SHANK2: variants seen among roughly 807,000 people sequenced by gnomAD.
The protein encoded by SHANK2 is SH3 and multiple ankyrin repeat domains 2, also known as SH3 and multiple ankyrin repeat domains protein 2.
Under a neutral mutation model 133.7 loss-of-function variants are expected in SHANK2, and 43 were observed. The observed-to-expected ratio is 0.32, with a 90% CI of 0.25 to 0.41. The LOEUF (loss-of-function observed/expected upper bound fraction) is 0.41, where lower values mean the gene tolerates loss of function less well. Ranked by LOEUF, SHANK2 falls within the 10% of genes least tolerant of loss-of-function variation. The pLI, the probability that SHANK2 is intolerant of heterozygous loss-of-function variation, is 1.00. For synonymous variants in SHANK2, 1,017 were observed against 952.8 expected (o/e 1.07, Z -1.24); for missense variants, 1,994 against 2,235.8 (o/e 0.89, Z 2.18).
chr11:70,745,914 G>A (rs868980853), intron 14 of SHANK2, among the ~76,000 whole-genome samples: 1 of 152,218 alleles, frequency 6.6e-6, no homozygotes, highest in Non-Finnish European at 1.5e-5. Flanking sequence ...TGTCCTTCAC[G>A]GTTGTCAAAA....
At chr11:70,579,089 G>A (rs1309440513) in intron 17 of SHANK2, among the ~76,000 whole-genome samples, 1 of 152,128 alleles carries the variant, frequency 6.6e-6, no homozygotes, top group Non-Finnish European at 1.5e-5. Flanking sequence ...AGAAACACAG[G>A]GCTGCACACC....
At chr11:70,699,572 T>C (rs1027529982) in intron 14 of SHANK2, among the ~76,000 whole-genome samples, 23 of 152,236 alleles carry the variant, frequency 1.5e-4, no homozygotes, top group Non-Finnish European at 3.1e-4. Context: ...ATCTAAACTC[T>C]GTAAACAACC....
rs1426786604 is a variant in SHANK2 at position 70,698,663 on chromosome 11, T to C, written c.1853+25A>G. ...ACGAACAGCTTTGACCAGAGGGTCCTGGAAGAGAAAGCAGCGCGTCTTACC... is the reference window on the plus strand; with the variant it reads ...ACGAACAGCTTTGACCAGAGGGTCCCGGAAGAGAAAGCAGCGCGTCTTACC... On this transcript the variant is annotated intron_variant, in intron 15 of 25. Coordinates refer to ENST00000601538, the MANE Select transcript of SHANK2 (RefSeq NM_012309.5). 7.0e-6 allele frequency: 5 copies of C among 718,464 alleles called. No individual in the cohort carries two copies. The African/African-American group carries it at 8.7e-5, about 13-fold the overall frequency. The allele number at this position is 718,464 out of a possible 1,614,324, so 44.5% of individuals were successfully genotyped here.
rs1213096494 is a variant in SHANK2 at position 71,188,450 on chromosome 11, C to T, written c.-13+36247G>A. ...TCTCTCCAGAAACAGAATCCCCTCC[C>T]TCTGGGGAGAAGGACTTCGGCGCAA... On this transcript the variant is annotated intron_variant, in intron 2 of 25. Transcript: ENST00000601538. This position sits in a 1 kb window ranked among gnomAD's most constrained non-coding sequence, Gnocchi z 4.6. Among the ~76,000 whole-genome samples, 6 of 152,180 alleles carry T rather than the reference C, an allele frequency of 3.9e-5. No homozygotes were observed. The highest frequency in any genetic ancestry group is 1.4e-4 in the African/African-American group (6 of 41,442).
intron 14 of SHANK2, among the ~76,000 whole-genome samples, chr11:70,744,407 G>A (rs917030657): frequency 1.3e-5 from 2 of 152,164 alleles, no homozygotes; most frequent in African/African-American, 4.8e-5. Flanking sequence ...CCCTCTCTGC[G>A]CTCTGCAATG....
chr11:70,840,853 A>G (rs1163906863), intron 11 of SHANK2, among the ~76,000 whole-genome samples: 1 of 152,140 alleles, frequency 6.6e-6, no homozygotes, highest in Non-Finnish European at 1.5e-5. Flanking sequence ...CTTCTAAGAG[A>G]TGCTGATGAG....
At chr11:70,952,791 ACCTATGGT>A (rs1555086971) in intron 10 of SHANK2, 2 of 297,466 alleles carry the variant, frequency 6.7e-6, no homozygotes, top group Admixed American at 8.0e-5. Flanking sequence ...ACTGACACCC[ACCTATGGT>A]CTCTGGTAGC....
At chr11:70,921,168 T>G (rs1352321479) in intron 10 of SHANK2, among the ~76,000 whole-genome samples, 2 of 152,178 alleles carry the variant, frequency 1.3e-5, no homozygotes, top group East Asian at 1.9e-4. Context: ...TAGAGGCAGA[T>G]GAATGCTCCC....
intron 8 of SHANK2, among the ~76,000 whole-genome samples, chr11:71,081,886 C>T (rs973088342): frequency 2.6e-5 from 4 of 152,184 alleles, no homozygotes; most frequent in Admixed American, 6.5e-5. Flanking sequence ...CAGAGTGACA[C>T]GGGGAAGGGC....
intron 14 of SHANK2, among the ~76,000 whole-genome samples, chr11:70,722,997 G>T (rs963265409): frequency 2.0e-5 from 3 of 152,152 alleles, no homozygotes; most frequent in African/African-American, 7.2e-5. Context: ...TAACTTTTCT[G>T]CCTGGTCCCT....
chr11:70,745,072 G>A (rs1565287033), intron 14 of SHANK2, among the ~76,000 whole-genome samples: 2 of 152,174 alleles, frequency 1.3e-5, no homozygotes, highest in East Asian at 1.9e-4. Context: ...CGCCCCAAGC[G>A]GCCAGGACCT....
chr11:70,693,272 C>CACTGCAAGTGCGAGAAGACCCA (rs1945327403), intron 15 of SHANK2, among the ~76,000 whole-genome samples: 1 of 152,226 alleles, frequency 6.6e-6, no homozygotes, highest in African/African-American at 2.4e-5. Flanking sequence ...CCAATGCCTC[C>CACTGCAAGTGCGAGAAGACCCA]ACTGCAAGTG....
chr11:70,641,322 T>A (rs1289230922), intron 17 of SHANK2, among the ~76,000 whole-genome samples: 1 of 152,192 alleles, frequency 6.6e-6, no homozygotes, highest in Non-Finnish European at 1.5e-5. Context: ...CTCGATCTCC[T>A]GACCTTGTGA....
rs1270398001 is a variant in SHANK2, at chr11:71,092,374, G to A, written c.912+48C>T. On this transcript the variant is annotated intron_variant, in intron 8 of 25. Coordinates refer to ENST00000601538, the MANE Select transcript of SHANK2 (RefSeq NM_012309.5). ...TTATCTGCGGGATCGGAGGAGAAGG[G>A]GAAGTCAGTTCGTGGGTACAACAGA... The A allele has an allele frequency of 5.2e-6, 8 of 1,547,226 alleles. 1 individual carries two copies. In the East Asian group the frequency reaches 7.3e-5, roughly 14 times the overall value.
At chr11:71,086,259 T>C (rs1263332337) in intron 8 of SHANK2, among the ~76,000 whole-genome samples, 2 of 13,918 alleles carry the variant, frequency 1.4e-4, no homozygotes, top group Non-Finnish European at 2.5e-4. Context: ...TTATATATGT[T>C]ATATATTATA....
At chr11:71,096,432 C>A (rs1951614077) in intron 6 of SHANK2, among the ~76,000 whole-genome samples, 1 of 152,132 alleles carries the variant, frequency 6.6e-6, no homozygotes. Context: ...CAAGGGGTGA[C>A]CCCTGCCTGC....
At chr11:71,159,760 G>C (rs1183810575) in intron 2 of SHANK2, among the ~76,000 whole-genome samples, 1 of 152,080 alleles carries the variant, frequency 6.6e-6, no homozygotes, top group African/African-American at 2.4e-5. Context: ...GAGGTGGGTG[G>C]ATCACTTGAA....
At chr11:70,766,640 C>T (rs148758067) in intron 14 of SHANK2, among the ~76,000 whole-genome samples, 1 of 152,170 alleles carries the variant, frequency 6.6e-6, no homozygotes, top group African/African-American at 2.4e-5. Flanking sequence ...GAGCAGTGTA[C>T]GTGGATATCA....
rs949975685 is a variant in SHANK2 at position 71,063,853 on chromosome 11, G to A, written c.1030-7295C>T. 4.9e-4 allele frequency among the ~76,000 whole-genome samples: 74 copies of A among 152,262 alleles called. 2 individuals carry two copies. The South Asian group carries it at 0.015, about 30-fold the overall frequency. ...TTCCGAGACACTTCCCTTAATAAAT[G>A]TACCTCCCCACGAAGGAGCGTTCCT... On this transcript the variant is annotated intron_variant, in intron 9 of 25. Coordinates refer to ENST00000601538, the MANE Select transcript of SHANK2 (RefSeq NM_012309.5).
Sources: gnomAD v4.1 joint callset for allele counts (sites outside exome capture counted in the v4.1 genomes callset) on GRCh38, gnomAD v4.1.1 for gene constraint, Gnocchi (gnomAD v3.1) non-coding constraint, MANE v1.5 for transcripts, NCBI Gene and HGNC (gene_info 2026-07-23, HGNC 2026-07-21) for gene names.